IGSF21: variants seen among roughly 807,000 people sequenced by gnomAD.
The protein encoded by IGSF21 is immunoglobin superfamily member 21.
IGSF21 carries 28 observed loss-of-function variants against 46.8 expected under a neutral mutation model. That is an observed-to-expected ratio of 0.60 (90% CI 0.44 to 0.82). The LOEUF is 0.82. Among genes scored for constraint, IGSF21 ranks in the 40% least tolerant of loss-of-function variants. IGSF21 has a pLI of 0.00. For synonymous variants in IGSF21, 284 were observed against 273.6 expected (o/e 1.04, Z -0.38); for missense variants, 624 against 665.5 (o/e 0.94, Z 0.69).
intron 1 of IGSF21, among the ~76,000 whole-genome samples, chr1:18,188,233 C>T (rs2124474141): frequency 6.6e-6 from 1 of 152,300 alleles, no homozygotes; most frequent in Non-Finnish European, 1.5e-5. Flanking sequence ...TCCGATCTCC[C>T]AGCCATGAAA....
At chr1:18,228,392 C>T (rs12032745) in intron 2 of IGSF21, among the ~76,000 whole-genome samples, 32,617 of 152,152 alleles carry the variant, frequency 0.21, 4,083 homozygotes, top group Non-Finnish European at 0.28. Flanking sequence ...GAGAGAAAAA[C>T]AGGAAGGCTT....
At chr1:18,372,636 G>GGATGGATGGATGGAT (rs2086237504) in intron 6 of IGSF21, among the ~76,000 whole-genome samples, 1 of 151,088 alleles carries the variant, frequency 6.6e-6, no homozygotes, top group Non-Finnish European at 1.5e-5. Flanking sequence ...ATGGATAGAT[G>GGATGGATGGATGGAT]GATGGATGGA....
intron 1 of IGSF21, among the ~76,000 whole-genome samples, chr1:18,170,711 G>A (rs1014656236): frequency 3.3e-5 from 5 of 151,902 alleles, no homozygotes; most frequent in Non-Finnish European, 5.9e-5. Flanking sequence ...CCTGACTCTG[G>A]AGTCCATGCT....
chr1:18,344,600 T>G (rs1401271375), intron 4 of IGSF21, among the ~76,000 whole-genome samples: 1 of 152,030 alleles, frequency 6.6e-6, no homozygotes, highest in African/African-American at 2.4e-5. Flanking sequence ...AGGCTGTCTG[T>G]GCACAGGACA....
intron 1 of IGSF21, among the ~76,000 whole-genome samples, chr1:18,196,543 G>T (rs1214964021): frequency 6.6e-6 from 1 of 152,206 alleles, no homozygotes; most frequent in Non-Finnish European, 1.5e-5. Flanking sequence ...GCTCCACAGG[G>T]TCCTGAAGGT....
intron 2 of IGSF21, among the ~76,000 whole-genome samples, chr1:18,284,344 T>C (rs538051194): frequency 6.6e-6 from 1 of 152,332 alleles, no homozygotes; most frequent in African/African-American, 2.4e-5. Context: ...ACATTGAGCA[T>C]GTACTACGTG....
intron 2 of IGSF21, among the ~76,000 whole-genome samples, chr1:18,237,395 A>G (rs4920310): frequency 0.65 from 99,396 of 152,016 alleles, 38,651 homozygotes; most frequent in Non-Finnish European, 0.89. Flanking sequence ...CCCATCATCA[A>G]GTTGTTAAGT....
In IGSF21 at chr1:18,335,079, G is replaced by T. The variant is rs1025986188; in HGVS notation, c.424+69G>T. On this transcript the variant is annotated intron_variant, in intron 4 of 9. Transcript: ENST00000251296. This position sits in a 1 kb window ranked among gnomAD's most constrained non-coding sequence, Gnocchi z 4.8. ...CGAGTATGCTTGAGTGTGTGAATGT[G>T]CGCACAGAGTGGCCATCCTGGGGGC... 16 of 1,240,170 alleles carry T rather than the reference G, an allele frequency of 1.3e-5. No individual in the cohort carries two copies. In the Admixed American group the frequency reaches 2.4e-4, roughly 19 times the overall value. 76.8% of individuals were successfully genotyped at this position (1,240,170 alleles called of 1,614,324 possible). A position where few individuals can be genotyped will look rare whatever the true frequency, so the allele number is the denominator to read the frequency against.
intron 1 of IGSF21, among the ~76,000 whole-genome samples, chr1:18,165,335 C>A (rs946495976): frequency 1.3e-5 from 2 of 152,126 alleles, no homozygotes; most frequent in African/African-American, 2.4e-5. Context: ...CGGATGGTCA[C>A]CTTTTTGCGG....
chr1:18,227,085 TCA>T (rs967079507), intron 1 of IGSF21, among the ~76,000 whole-genome samples: 9 of 152,174 alleles, frequency 5.9e-5, no homozygotes, highest in African/African-American at 2.2e-4. Context: ...CCGGGAAGCA[TCA>T]CCTGGTGTTT....
At chr1:18,156,244 G>C (rs2086567149) in intron 1 of IGSF21, among the ~76,000 whole-genome samples, 2 of 152,190 alleles carry the variant, frequency 1.3e-5, no homozygotes, top group Non-Finnish European at 2.9e-5. Context: ...CACTATTAAG[G>C]AGGTGGTCAT....
chr1:18,336,651 C>A (rs1053700902), intron 4 of IGSF21, among the ~76,000 whole-genome samples: 1 of 152,198 alleles, frequency 6.6e-6, no homozygotes, highest in Non-Finnish European at 1.5e-5. Flanking sequence ...TAAAAACCAT[C>A]CCTCCATGAG....
chr1:18,196,096 T>C (rs1011272037), intron 1 of IGSF21, among the ~76,000 whole-genome samples: 4 of 151,960 alleles, frequency 2.6e-5, no homozygotes, highest in Non-Finnish European at 5.9e-5. Flanking sequence ...GGCTGGGGCT[T>C]CATCCTGGGG....
chr1:18,373,597 C>T (rs71645411), intron 6 of IGSF21, among the ~76,000 whole-genome samples: 14,772 of 152,178 alleles, frequency 0.097, 801 homozygotes, highest in Middle Eastern at 0.14. Context: ...CCCTCTTCTG[C>T]CCACCCTCTG....
intron 2 of IGSF21, among the ~76,000 whole-genome samples, chr1:18,233,264 T>C (rs1260348291): frequency 1.3e-5 from 2 of 152,198 alleles, no homozygotes; most frequent in Admixed American, 6.5e-5. Context: ...TTTTTCACCA[T>C]GTGGGAAGAT....
intron 2 of IGSF21, among the ~76,000 whole-genome samples, chr1:18,241,739 G>T (rs1307987612): frequency 6.6e-6 from 1 of 152,148 alleles, no homozygotes; most frequent in Non-Finnish European, 1.5e-5. Flanking sequence ...TTCAGGTCAG[G>T]TGCTGCGCTA....
In IGSF21 at chr1:18,365,170, G is replaced by C. The variant is rs2086147304; in HGVS notation, c.541-53G>C. The C allele has an allele frequency of 7.1e-7, 1 of 1,406,630 alleles. No individual in the cohort carries two copies. Among genetic ancestry groups the C allele is most frequent in the African/African-American group, 1.4e-5 (1 of 70,642 alleles). 87.1% of individuals were successfully genotyped at this position (1,406,630 alleles called of 1,614,324 possible). A position where few individuals can be genotyped will look rare whatever the true frequency, so the allele number is the denominator to read the frequency against. The stretch of plus-strand genomic sequence containing the variant: ...CAGTTCATCGGAGAACCCACTGGGA[G>C]GTTGAAGTTAGTAGCACAAAATCAT... On this transcript the variant is annotated intron_variant, in intron 5 of 9. Coordinates refer to ENST00000251296, the MANE Select transcript of IGSF21 (RefSeq NM_032880.5). The surrounding 1 kb of genome is among the most constrained non-coding windows in gnomAD (Gnocchi z 4.8).
At chr1:18,147,613 T>G (rs184748985) in intron 1 of IGSF21, among the ~76,000 whole-genome samples, 12 of 152,102 alleles carry the variant, frequency 7.9e-5, no homozygotes, top group African/African-American at 1.7e-4. Flanking sequence ...ATTTTGTTGG[T>G]TTTTTTGCTC....
At chr1:18,233,774 A>C (rs911031125) in intron 2 of IGSF21, among the ~76,000 whole-genome samples, 1 of 152,140 alleles carries the variant, frequency 6.6e-6, no homozygotes, top group Non-Finnish European at 1.5e-5. Flanking sequence ...GGGCAGAGAC[A>C]ACGCTTTAAA....
Sources: gnomAD v4.1 joint callset for allele counts (sites outside exome capture counted in the v4.1 genomes callset) on GRCh38, gnomAD v4.1.1 for gene constraint, Gnocchi (gnomAD v3.1) non-coding constraint, MANE v1.5 for transcripts, NCBI Gene and HGNC (gene_info 2026-07-23, HGNC 2026-07-21) for gene names.